Variants in GPR176 observed in about 807,000 individuals in gnomAD.
The protein encoded by GPR176 is G-protein coupled receptor 176.
Under a neutral mutation model 35.4 loss-of-function variants are expected in GPR176, and 26 were observed. That is an observed-to-expected ratio of 0.74 (90% CI 0.54 to 1.02). The LOEUF (loss-of-function observed/expected upper bound fraction) is 1.02. Among genes scored for constraint, GPR176 ranks in the 50% least tolerant of loss-of-function variants. The probability of loss-of-function intolerance (pLI) is 0.00; values close to 1 mark genes in which losing one functional copy is unlikely to be tolerated. For synonymous variants in GPR176, 278 were observed against 271.3 expected, an observed-to-expected ratio of 1.02 and a Z score of -0.24; for missense variants, 597 against 665.3, an observed-to-expected ratio of 0.90 and a Z score of 1.13.
At chr15:39,885,273 T>C (rs1220095537) in intron 1 of GPR176, among the ~76,000 whole-genome samples, 1 of 152,224 alleles carries the variant, frequency 6.6e-6, no homozygotes, top group African/African-American at 2.4e-5. Flanking sequence ...CCTCTAGCAT[T>C]GCTCTGTTCA....
At chr15:39,850,453 T>C (rs921148484) in intron 1 of GPR176, among the ~76,000 whole-genome samples, 2 of 152,180 alleles carry the variant, frequency 1.3e-5, no homozygotes, top group Non-Finnish European at 2.9e-5. Context: ...AAAATAATGC[T>C]AGAAGTTCCA....
At chr15:39,865,579 T>C (rs936162629) in intron 1 of GPR176, among the ~76,000 whole-genome samples, 9 of 152,114 alleles carry the variant, frequency 5.9e-5, no homozygotes, top group Non-Finnish European at 1.2e-4. Flanking sequence ...GGATGGATGA[T>C]GAAAAATTAT....
intron 1 of GPR176, among the ~76,000 whole-genome samples, chr15:39,877,318 G>A (rs1194634339): frequency 6.6e-6 from 1 of 152,100 alleles, no homozygotes; most frequent in Non-Finnish European, 1.5e-5. Context: ...CAGCCACACT[G>A]ATACGTTTAA....
At chr15:39,880,380 T>C (rs1040353630) in intron 1 of GPR176, among the ~76,000 whole-genome samples, 1 of 152,208 alleles carries the variant, frequency 6.6e-6, no homozygotes, top group African/African-American at 2.4e-5. Context: ...ATTTATTTAC[T>C]GTCTGCTGTC....
chr15:39,850,322 T>C (rs1401326552), intron 1 of GPR176, among the ~76,000 whole-genome samples: 1 of 152,182 alleles, frequency 6.6e-6, no homozygotes, highest in Non-Finnish European at 1.5e-5. Flanking sequence ...CCATCATATA[T>C]GTGGTCCATC....
chr15:39,891,761 C>G (rs1212837418), intron 1 of GPR176, among the ~76,000 whole-genome samples: 1 of 152,152 alleles, frequency 6.6e-6, no homozygotes, highest in Non-Finnish European at 1.5e-5. Flanking sequence ...ACCACTTAAG[C>G]CCAGGAGTTG....
chr15:39,892,422 A>C (rs1299795712), intron 1 of GPR176, among the ~76,000 whole-genome samples: 1 of 152,218 alleles, frequency 6.6e-6, no homozygotes, highest in Non-Finnish European at 1.5e-5. Context: ...ATGAGTTTCT[A>C]TTTGAACTTA....
At chr15:39,823,596 C>T (rs1265863656) in intron 1 of GPR176, among the ~76,000 whole-genome samples, 4 of 152,188 alleles carry the variant, frequency 2.6e-5, no homozygotes, top group Admixed American at 1.3e-4. Context: ...CCCCACACTG[C>T]TCCTCCAGCC....
At position 39,801,288 on chromosome 15, in the gene GPR176, C is replaced by A; in HGVS notation, c.1392G>T (p.Trp464Cys). 2 of 1,614,106 alleles carry A rather than the reference C, an allele frequency of 1.2e-6. No individual in the cohort carries two copies. Among genetic ancestry groups the A allele is most frequent in the African/African-American group, 1.3e-5 (1 of 75,052 alleles). Residue 464 changes from tryptophan (W) to cysteine (C), a missense_variant, in exon 3 of 3, where the codon TGG (tryptophan) becomes TGT (cysteine). By Grantham distance (215) the Trp-to-Cys change is radical. Around this residue, in one of 3 missense-constraint regions of GPR176, gnomAD observed 251 missense variants for 255.4 expected, o/e 0.98. Coordinates refer to ENST00000561100, the MANE Select transcript of GPR176 (RefSeq NM_007223.3). The stretch of plus-strand genomic sequence containing the variant: ...TCTTGCTGTTTCGGGTCTCTGAGAG[C>A]CACTGAGGAGGCAACTCAAAAGGCC... ...GFGPFELPPQ[W>C]LSETRNSKKR...
chr15:39,803,381 G>A (rs1018440169), intron 2 of GPR176, among the ~76,000 whole-genome samples: 3 of 142,992 alleles, frequency 2.1e-5, no homozygotes, highest in African/African-American at 2.5e-5. Flanking sequence ...CTGGGTTCAA[G>A]CCATTCTCCT....
intron 1 of GPR176, among the ~76,000 whole-genome samples, chr15:39,859,700 C>T (rs1337448223): frequency 6.6e-6 from 1 of 152,054 alleles, no homozygotes; most frequent in Non-Finnish European, 1.5e-5. Flanking sequence ...CAAGTAAAAT[C>T]GGCCAGTCAC....
chr15:39,803,271 CTTTTT>C (rs769645892), intron 2 of GPR176, among the ~76,000 whole-genome samples: 7 of 85,542 alleles, frequency 8.2e-5, no homozygotes, highest in East Asian at 3.8e-4. Flanking sequence ...ACAAGTACTT[CTTTTT>C]TTTTTTTTTT....
chr15:39,868,932 G>A (rs1365781722), intron 1 of GPR176, among the ~76,000 whole-genome samples: 1 of 151,878 alleles, frequency 6.6e-6, no homozygotes, highest in Non-Finnish European at 1.5e-5. Flanking sequence ...CACCGGAAAT[G>A]GGAAATGGGC....
At chr15:39,858,245 T>C (rs991980693) in intron 1 of GPR176, among the ~76,000 whole-genome samples, 4 of 152,084 alleles carry the variant, frequency 2.6e-5, no homozygotes, top group African/African-American at 9.7e-5. Context: ...GGAAGAGAAA[T>C]TCTGTTAGAA....
intron 1 of GPR176, among the ~76,000 whole-genome samples, chr15:39,850,124 C>T (rs1172475525): frequency 6.6e-6 from 1 of 152,116 alleles, no homozygotes; most frequent in Admixed American, 6.6e-5. Context: ...CTGGGTGAGT[C>T]AGTAGGTAAG....
At chr15:39,880,016 T>C (rs1453364539) in intron 1 of GPR176, among the ~76,000 whole-genome samples, 1 of 152,162 alleles carries the variant, frequency 6.6e-6, no homozygotes, top group Non-Finnish European at 1.5e-5. Context: ...CCTATACTTA[T>C]CAACAAATGA....
rs541559145 is a variant in GPR176, at chr15:39,884,299, C to T, written c.172+35556G>A. ...GAAAGTTTCTGCATATTGTAATTTC[C>T]AAAAAATAAGCCTAGCAGACATGGG... On this transcript the variant is annotated intron_variant, in intron 1 of 2. Coordinates refer to ENST00000561100, the MANE Select transcript of GPR176 (RefSeq NM_007223.3). Among the ~76,000 whole-genome samples the T allele has an allele frequency of 3.9e-5, 6 of 152,234 alleles. No individual in the cohort carries two copies. The East Asian group carries it at 1.2e-3, about 29-fold the overall frequency.
At chr15:39,880,479 C>T (rs554931007) in intron 1 of GPR176, among the ~76,000 whole-genome samples, 110 of 258 alleles carry the variant, frequency 0.43, 2 homozygotes, top group African/African-American at 0.49. Flanking sequence ...GTTTGAGCTA[C>T]CACTCAATTT....
chr15:39,885,386 G>T (rs1020664057), intron 1 of GPR176, among the ~76,000 whole-genome samples: 2 of 152,168 alleles, frequency 1.3e-5, no homozygotes, highest in African/African-American at 4.8e-5. Context: ...AAGGAAAAAT[G>T]GAAATGCAAA....
Sources: gnomAD v4.1 joint callset for allele counts (sites outside exome capture counted in the v4.1 genomes callset) on GRCh38, gnomAD v4.1.1 for gene constraint, gnomAD v4.1.1 regional missense constraint, MANE v1.5 for transcripts, NCBI Gene and HGNC (gene_info 2026-07-23, HGNC 2026-07-21) for gene names.